The following AGAP1 variants were observed in gnomAD, a reference collection of about 807,000 sequenced individuals.
The protein encoded by AGAP1 is arf-GAP with GTPase, ANK repeat and PH domain-containing protein 1.
Under a neutral mutation model 105.3 loss-of-function variants are expected in AGAP1, and 29 were observed. The observed-to-expected ratio is 0.28, with a 90% confidence interval of 0.21 to 0.38. AGAP1 has a LOEUF of 0.38. Ranked by LOEUF, AGAP1 falls within the 10% of genes least tolerant of loss-of-function variation. The pLI is 1.00. For missense variants in AGAP1, 998 were observed against 1,165.1 expected (o/e 0.86, Z 2.09); for synonymous variants, 509 against 485.9 (o/e 1.05, Z -0.63).
chr2:236,031,633 G>A (rs1576116404), intron 13 of AGAP1, among the ~76,000 whole-genome samples: 1 of 152,154 alleles, frequency 6.6e-6, no homozygotes, highest in South Asian at 2.1e-4. Flanking sequence ...ACATTCAAGG[G>A]CCTGAAACCC....
intron 15 of AGAP1, among the ~76,000 whole-genome samples, chr2:236,041,251 A>G (rs2057541147): frequency 7.2e-6 from 1 of 139,512 alleles, no homozygotes; most frequent in African/African-American, 2.9e-5. Context: ...TTGCTTAATC[A>G]GTGATCACTT....
chr2:235,911,350 A>G (rs2051601376), intron 11 of AGAP1, among the ~76,000 whole-genome samples: 1 of 152,116 alleles, frequency 6.6e-6, no homozygotes, highest in East Asian at 1.9e-4. Flanking sequence ...AGACCCAGTG[A>G]TGCTGCGGTC....
chr2:235,683,325 A>G (rs534511348), intron 1 of AGAP1, among the ~76,000 whole-genome samples: 3 of 152,248 alleles, frequency 2.0e-5, no homozygotes, highest in South Asian at 2.1e-4. Flanking sequence ...CAAAAAAGAC[A>G]GAATTGGTAA....
chr2:235,912,392 TAGAG>T (rs2051660983), intron 11 of AGAP1, among the ~76,000 whole-genome samples: 1 of 152,202 alleles, frequency 6.6e-6, no homozygotes, highest in Non-Finnish European at 1.5e-5. Flanking sequence ...AAATAGGTAT[TAGAG>T]AGCTGTTTTT....
chr2:235,762,837 C>T (rs962241771), intron 6 of AGAP1, among the ~76,000 whole-genome samples: 1 of 152,144 alleles, frequency 6.6e-6, no homozygotes, highest in African/African-American at 2.4e-5. Context: ...CGTGGCACTG[C>T]ACTCCAGCCT....
intron 1 of AGAP1, among the ~76,000 whole-genome samples, chr2:235,585,390 T>G (rs1223820811): frequency 1.3e-5 from 2 of 152,174 alleles, no homozygotes; most frequent in African/African-American, 4.8e-5. Flanking sequence ...AAGGACCCTG[T>G]GATTACATTG....
rs1414004450 is a variant in AGAP1, at chr2:235,612,517, C to T, written c.164-96662C>T. On this transcript the variant is annotated intron_variant, in intron 1 of 17. Transcript: ENST00000304032. The surrounding 1 kb of genome is among the most constrained non-coding windows in gnomAD (Gnocchi z 4.3). The stretch of plus-strand genomic sequence containing the variant: ...TTGCCTTTGTACTTATTCAAACTGA[C>T]AAATACTTACTTAATAGCTGATTGT... Among the ~76,000 whole-genome samples the T allele has an allele frequency of 1.3e-5, 2 of 152,218 alleles. No homozygotes were observed. The highest frequency in any genetic ancestry group is 2.9e-5 in the Non-Finnish European group (2 of 68,038).
At chr2:235,910,076 C>A (rs1383793429) in intron 11 of AGAP1, among the ~76,000 whole-genome samples, 1 of 152,132 alleles carries the variant, frequency 6.6e-6, no homozygotes, top group East Asian at 1.9e-4. Context: ...GCTGCACTTT[C>A]CTCTTCTGAA....
chr2:235,763,035 G>GGTGTGTGTGTGTGTGT (rs145122803), intron 6 of AGAP1, among the ~76,000 whole-genome samples: 95 of 139,974 alleles, frequency 6.8e-4, no homozygotes, highest in African/African-American at 2.4e-3. Flanking sequence ...TTAAGGCTCG[G>GGTGTGTGTGTGTGTGT]GTGTGTGTGT....
At chr2:236,099,466 G>A (rs964187241) in intron 16 of AGAP1, among the ~76,000 whole-genome samples, 1 of 150,394 alleles carries the variant, frequency 6.6e-6, no homozygotes, top group African/African-American at 2.5e-5. Flanking sequence ...AAAAAAAAAA[G>A]AAAAGAAATA....
At chr2:235,592,918 A>G (rs964133996) in intron 1 of AGAP1, among the ~76,000 whole-genome samples, 2 of 152,138 alleles carry the variant, frequency 1.3e-5, no homozygotes, top group African/African-American at 4.8e-5. Flanking sequence ...GACACCTGGC[A>G]TCTCAAAATA....
intron 1 of AGAP1, among the ~76,000 whole-genome samples, chr2:235,520,087 A>G (rs1942558742): frequency 6.6e-6 from 1 of 152,116 alleles, no homozygotes; most frequent in Admixed American, 6.5e-5. Flanking sequence ...CGGCCTCAAT[A>G]TTATTTTGAA....
rs186741804 is a variant in AGAP1 at position 235,610,277 on chromosome 2, T to C, written c.164-98902T>C. ...CCAGACAGGATCTGCTGTATCCTTATGATACCTCGTCATCTTGGAGTCCAC... is the reference window on the plus strand; with the variant it reads ...CCAGACAGGATCTGCTGTATCCTTACGATACCTCGTCATCTTGGAGTCCAC... On this transcript the variant is annotated intron_variant, in intron 1 of 17. Coordinates refer to ENST00000304032, the MANE Select transcript of AGAP1 (RefSeq NM_001037131.3). The surrounding 1 kb of genome is among the most constrained non-coding windows in gnomAD (Gnocchi z 4.9). Among the ~76,000 whole-genome samples the C allele has an allele frequency of 6.6e-6, 1 of 152,318 alleles. No homozygotes were observed. The highest frequency in any genetic ancestry group is 1.9e-4 in the East Asian group (1 of 5,168).
In AGAP1 at chr2:236,046,997, T is replaced by C. The variant is rs1388178883; in HGVS notation, c.1892-2062T>C. The stretch of plus-strand genomic sequence containing the variant: ...GTAAGAAGTTAGCCAGGCATGGTGA[T>C]GTGCACCTGTAGTCCCAGCTACTCG... On this transcript the variant is annotated intron_variant, in intron 15 of 17. Transcript: ENST00000304032. This position sits in a 1 kb window ranked among gnomAD's most constrained non-coding sequence, Gnocchi z 5.2. Among the ~76,000 whole-genome samples the C allele has an allele frequency of 1.3e-5, 2 of 152,154 alleles. No individual in the cohort carries two copies. The highest frequency in any genetic ancestry group is 6.5e-5 in the Admixed American group (1 of 15,280).
At position 235,683,872 on chromosome 2, in the gene AGAP1, A is replaced by G. The variant is rs1253054068; in HGVS notation, c.164-25307A>G. On this transcript the variant is annotated intron_variant, in intron 1 of 17. Transcript: ENST00000304032. Reference sequence around the variant, plus strand: ...AGCCCCCCGTCCCCCGCCCGGCCCCAGTGTGTGATGTTCCCCGCCCTGTGT... The same window carrying G: ...AGCCCCCCGTCCCCCGCCCGGCCCCGGTGTGTGATGTTCCCCGCCCTGTGT... 6.5e-5 allele frequency among the ~76,000 whole-genome samples: 5 copies of G among 76,406 alleles called. No homozygotes were observed. The Admixed American group carries it at 8.9e-4, about 14-fold the overall frequency. 50.1% of individuals were successfully genotyped at this position (76,406 alleles called of 152,430 possible). A position where few individuals can be genotyped will look rare whatever the true frequency, so the allele number is the denominator to read the frequency against.
intron 16 of AGAP1, among the ~76,000 whole-genome samples, chr2:236,071,893 A>G (rs931429234): frequency 6.6e-6 from 1 of 152,004 alleles, no homozygotes; most frequent in African/African-American, 2.4e-5. Context: ...CAGAGTCGTA[A>G]TTTTTCTTGG....
At position 235,720,685 on chromosome 2, in the gene AGAP1, T is replaced by G; in HGVS notation, c.310+3041T>G. On this transcript the variant is annotated intron_variant, in intron 3 of 17. Transcript: ENST00000304032. The surrounding 1 kb of genome is among the most constrained non-coding windows in gnomAD (Gnocchi z 5.0). ...GATTCTCCCTGCGCTTCTTAATGTC[T>G]GTGCCCTGTTCTTCTGATTTAATTA... 1 of 985,448 alleles carries G rather than the reference T, an allele frequency of 1.0e-6. No individual in the cohort carries two copies. The highest frequency in any genetic ancestry group is 1.2e-6 in the Non-Finnish European group (1 of 829,930). 61.0% of individuals were successfully genotyped at this position (985,448 alleles called of 1,614,324 possible).
chr2:235,935,792 T>C (rs2052958060), intron 12 of AGAP1, among the ~76,000 whole-genome samples: 1 of 152,218 alleles, frequency 6.6e-6, no homozygotes, highest in Non-Finnish European at 1.5e-5. Flanking sequence ...TAATTTCCTC[T>C]AGAAGCGTTA....
chr2:235,538,458 TGTGC>T lies in AGAP1; in HGVS notation c.163+43610_163+43613del, dbSNP rs1368289349. ...GTGTGTGTGTGTGTGTGTGTGTGTGTGTGCATGCTTGTACGCCTGTGCACAGAGG... is the reference window on the plus strand; with the variant it reads ...GTGTGTGTGTGTGTGTGTGTGTGTGTATGCTTGTACGCCTGTGCACAGAGG... On this transcript the variant is annotated intron_variant, in intron 1 of 17. Coordinates refer to ENST00000304032, the MANE Select transcript of AGAP1 (RefSeq NM_001037131.3). Among the ~76,000 whole-genome samples the T allele has an allele frequency of 6.6e-5, 10 of 150,526 alleles. No individual in the cohort carries two copies. In the East Asian group the frequency reaches 1.7e-3, roughly 26 times the overall value.
Sources: gnomAD v4.1 joint callset for allele counts (sites outside exome capture counted in the v4.1 genomes callset) on GRCh38, gnomAD v4.1.1 for gene constraint, Gnocchi (gnomAD v3.1) non-coding constraint, MANE v1.5 for transcripts, NCBI Gene and HGNC (gene_info 2026-07-23, HGNC 2026-07-21) for gene names.